The following SLC35D4 variants were observed in gnomAD, a reference collection of about 807,000 sequenced individuals.
SLC35D4 encodes the protein UDP-N-acetylglucosamine transporter SLC35D4.
chr18:23,321,283 C>T, the SLC35D4 span, among the ~76,000 whole-genome samples: 2 of 152,114 alleles, frequency 1.3e-5, no homozygotes, highest in Non-Finnish European at 2.9e-5. Context: ...CTAGTTGTTT[C>T]GGTTGAGATA....
At chr18:23,357,975 GACA>G in the SLC35D4 span, among the ~76,000 whole-genome samples, 111 of 152,320 alleles carry the variant, frequency 7.3e-4, no homozygotes, top group African/African-American at 2.6e-3. Flanking sequence ...ATTTGTAAAT[GACA>G]ACATCAGTTG....
the SLC35D4 span, among the ~76,000 whole-genome samples, chr18:23,354,782 G>A: frequency 6.6e-6 from 1 of 152,354 alleles, no homozygotes; most frequent in African/African-American, 2.4e-5. Context: ...ATAAGCTCGT[G>A]CAGGTTTGTG....
the SLC35D4 span, among the ~76,000 whole-genome samples, chr18:23,383,040 T>G: frequency 9.2e-5 from 14 of 152,006 alleles, no homozygotes; most frequent in Non-Finnish European, 2.1e-4. Flanking sequence ...CTGACTTCGG[T>G]GATGATGACC....
At chr18:23,405,896 G>A in the SLC35D4 span, among the ~76,000 whole-genome samples, 1 of 152,214 alleles carries the variant, frequency 6.6e-6, no homozygotes, top group Non-Finnish European at 1.5e-5. Flanking sequence ...CCTGGTATGT[G>A]TAAAATCCAT....
the SLC35D4 span, among the ~76,000 whole-genome samples, chr18:23,241,761 G>A: frequency 7.2e-5 from 11 of 152,144 alleles, no homozygotes; most frequent in Non-Finnish European, 1.3e-4. Context: ...ATCTTTGTGC[G>A]TGTGTGTCCT....
the SLC35D4 span, chr18:23,430,796 A>C: frequency 2.1e-6 from 2 of 955,150 alleles, no homozygotes; most frequent in Non-Finnish European, 3.1e-6. Flanking sequence ...TTCAAGTTTT[A>C]AAAAGGCCAT....
the SLC35D4 span, among the ~76,000 whole-genome samples, chr18:23,343,646 A>G: frequency 2.2e-4 from 33 of 152,282 alleles, no homozygotes; most frequent in Admixed American, 1.9e-3. Flanking sequence ...TTTGATGTAC[A>G]GATTATTTCA....
the SLC35D4 span, among the ~76,000 whole-genome samples, chr18:23,293,700 G>C: frequency 2.0e-5 from 3 of 152,210 alleles, no homozygotes; most frequent in East Asian, 5.8e-4. Flanking sequence ...TCCCTCCCCA[G>C]GGTTAACACC....
chr18:23,390,741 C>G, the SLC35D4 span, among the ~76,000 whole-genome samples: 4 of 152,194 alleles, frequency 2.6e-5, no homozygotes, highest in African/African-American at 9.7e-5. Context: ...CCTATTCAAG[C>G]GCAAGTTCTG....
chr18:23,323,288 C>T, the SLC35D4 span, among the ~76,000 whole-genome samples: 255 of 152,338 alleles, frequency 1.7e-3, 3 homozygotes, highest in African/African-American at 5.9e-3. Context: ...TTACATTTAG[C>T]AGTAATGGAG....
chr18:23,336,102 G>A, the SLC35D4 span, among the ~76,000 whole-genome samples: 1 of 151,546 alleles, frequency 6.6e-6, no homozygotes, highest in Non-Finnish European at 1.5e-5. Flanking sequence ...ACTCAAAACA[G>A]CAAAATGTCC....
At chr18:23,282,176 T>C in the SLC35D4 span, among the ~76,000 whole-genome samples, 1 of 152,202 alleles carries the variant, frequency 6.6e-6, no homozygotes, top group Admixed American at 6.5e-5. Flanking sequence ...ACTTTGCCTT[T>C]GCTAATCCTG....
At chr18:23,361,503 C>T in the SLC35D4 span, among the ~76,000 whole-genome samples, 2 of 152,202 alleles carry the variant, frequency 1.3e-5, no homozygotes, top group South Asian at 4.1e-4. Flanking sequence ...AGCAGTGCCA[C>T]GGCCCAGCAA....
chr18:23,276,423 C>A, the SLC35D4 span, among the ~76,000 whole-genome samples: 1 of 150,176 alleles, frequency 6.7e-6, no homozygotes. Flanking sequence ...TGTATTTTAC[C>A]AGAATTTTGT....
the SLC35D4 span, chr18:23,298,106 G>A: frequency 1.3e-4 from 215 of 1,612,522 alleles, 1 homozygote; most frequent in South Asian, 1.4e-3. Context: ...CCACTCCCCC[G>A]GGACCCCTGA....
At chr18:23,253,005 A>G in the SLC35D4 span, 5 of 1,613,950 alleles carry the variant, frequency 3.1e-6, no homozygotes, top group Non-Finnish European at 4.2e-6. Flanking sequence ...CAAGAAGGAC[A>G]TGAACGAGAC....
the SLC35D4 span, chr18:23,298,163 C>T: frequency 2.1e-6 from 3 of 1,410,572 alleles, no homozygotes; most frequent in Admixed American, 5.2e-5. Context: ...TTCCCCTCAT[C>T]CTGCAACTGA....
chr18:23,384,888 G>C, the SLC35D4 span: 1 of 980,560 alleles, frequency 1.0e-6, no homozygotes, highest in Non-Finnish European at 1.6e-6. Context: ...CTGGAGATTG[G>C]TGGCAGGAAG....
the SLC35D4 span, among the ~76,000 whole-genome samples, chr18:23,338,764 T>G: frequency 6.6e-6 from 1 of 152,228 alleles, no homozygotes; most frequent in Non-Finnish European, 1.5e-5. Context: ...GCCCAACTTC[T>G]GTACCCACAA....
Sources: allele counts gnomAD v4.1 joint callset (sites outside exome capture counted in the v4.1 genomes callset), GRCh38; gene constraint gnomAD v4.1.1; transcripts MANE v1.5; gene names NCBI Gene and HGNC (gene_info 2026-07-23, HGNC 2026-07-21).